Variants in REPS2 observed in about 807,000 individuals in gnomAD.
REPS2 encodes ralBP1-associated Eps domain-containing protein 2.
REPS2 carries 23 observed loss-of-function variants against 53.6 expected under a neutral mutation model. That is an observed-to-expected ratio of 0.43 (90% CI 0.31 to 0.61). The LOEUF (loss-of-function observed/expected upper bound fraction) is 0.61, where lower values mean the gene tolerates loss of function less well. Among genes scored for constraint, REPS2 ranks in the 20% least tolerant of loss-of-function variants. REPS2 has a pLI of 0.11. For missense variants in REPS2, 446 were observed against 534.9 expected, an observed-to-expected ratio of 0.83 and a Z score of 1.64; for synonymous variants, 238 against 218.6, an observed-to-expected ratio of 1.09 and a Z score of -0.78.
intron 14 of REPS2, among the ~76,000 whole-genome samples, chrX:17,107,079 G>T (rs1271980337): frequency 8.9e-6 from 1 of 112,290 alleles, no homozygotes; most frequent in African/African-American, 3.2e-5. Context: ...CTATTTTAAA[G>T]TGAAATCAGG....
At chrX:17,155,511 C>T (rs922646456), downstream of REPS2, among the ~76,000 whole-genome samples, 2 of 111,350 alleles carry the variant, frequency 1.8e-5, no homozygotes, top group East Asian at 2.8e-4. Context: ...CAGAGAAGGA[C>T]GCAAAGGTAG....
At chrX:16,996,400 A>T (rs1479512583) in intron 1 of REPS2, among the ~76,000 whole-genome samples, 1 of 111,710 alleles carries the variant, frequency 9.0e-6, no homozygotes, top group Non-Finnish European at 1.9e-5. Context: ...GCTGGTTGTC[A>T]TGAGATCTTG....
chrX:17,183,215 T>G, the REPS2 span, among the ~76,000 whole-genome samples: 202 of 112,179 alleles, frequency 1.8e-3, no homozygotes, highest in East Asian at 0.016. Context: ...CCAAATACTC[T>G]ATTCCACACA....
chrX:17,193,815 C>T, the REPS2 span, among the ~76,000 whole-genome samples: 1 of 111,528 alleles, frequency 9.0e-6, no homozygotes, highest in Non-Finnish European at 1.9e-5. Context: ...GAAACCAAAA[C>T]TCACTGTCAC....
At chrX:17,034,171 C>T (rs1253066962) in intron 5 of REPS2, among the ~76,000 whole-genome samples, 1 of 111,861 alleles carries the variant, frequency 8.9e-6, no homozygotes, top group Non-Finnish European at 1.9e-5. Flanking sequence ...TATTGGTTTC[C>T]CATCTCAGAG....
chrX:17,103,596 A>C (rs2062835284), intron 13 of REPS2, 122 bp from the exon 14 acceptor site: 1 of 582,555 alleles, frequency 1.7e-6, no homozygotes, highest in South Asian at 2.6e-5. Context: ...CTTCAGAAGG[A>C]CTGTAAAAAC....
chrX:17,023,623 T>C (rs2061602608), intron 3 of REPS2, among the ~76,000 whole-genome samples: 1 of 111,613 alleles, frequency 9.0e-6, no homozygotes, highest in African/African-American at 3.3e-5. Context: ...ACTGTCACTT[T>C]CATAATTCTG....
chrX:17,194,219 G>A, the REPS2 span, among the ~76,000 whole-genome samples: 1 of 111,600 alleles, frequency 9.0e-6, no homozygotes, highest in Admixed American at 9.6e-5. Context: ...CATCTTACAA[G>A]GATTTTTTCG....
intron 5 of REPS2, among the ~76,000 whole-genome samples, chrX:17,045,625 A>G (rs370855426): frequency 3.1e-4 from 34 of 108,639 alleles, no homozygotes; most frequent in African/African-American, 1.0e-3. Flanking sequence ...ACAAATGATT[A>G]ACAACCCTAC....
At chrX:17,012,103 G>A (rs939861790) in intron 2 of REPS2, among the ~76,000 whole-genome samples, 6 of 110,755 alleles carry the variant, frequency 5.4e-5, no homozygotes, top group Admixed American at 3.9e-4. Flanking sequence ...ATGTTGGCCC[G>A]GCATGGTGGC....
At chrX:16,949,808 C>G (rs1244446696) in intron 1 of REPS2, among the ~76,000 whole-genome samples, 5 of 111,136 alleles carry the variant, frequency 4.5e-5, no homozygotes, top group Non-Finnish European at 9.4e-5. Context: ...CCGACACACC[C>G]GTAGCTTTCC....
intron 9 of REPS2, among the ~76,000 whole-genome samples, chrX:17,067,251 C>T: frequency 8.9e-6 from 1 of 111,838 alleles, no homozygotes; most frequent in South Asian, 3.7e-4. Flanking sequence ...TATTCTTGAA[C>T]TTAATCTTAT....
chrX:17,100,274 T>C, intron 13 of REPS2: 1 of 562,027 alleles, frequency 1.8e-6, no homozygotes, highest in Non-Finnish European at 3.2e-6. Flanking sequence ...TTCCTCCTCT[T>C]CTAGCACCTC....
chrX:17,108,793 A>G (rs981382015), intron 14 of REPS2, among the ~76,000 whole-genome samples: 8 of 111,450 alleles, frequency 7.2e-5, no homozygotes, highest in African/African-American at 2.6e-4. Flanking sequence ...TACTAAAAAT[A>G]GCACTGGAAG....
intron 1 of REPS2, among the ~76,000 whole-genome samples, chrX:16,992,842 G>A (rs1363636979): frequency 8.9e-6 from 1 of 112,343 alleles, no homozygotes; most frequent in Non-Finnish European, 1.9e-5. Flanking sequence ...TTCCCTTCCA[G>A]TTATATTAGG....
chrX:17,019,448 T>A (rs1282683937), intron 2 of REPS2, among the ~76,000 whole-genome samples: 3 of 111,897 alleles, frequency 2.7e-5, no homozygotes, highest in African/African-American at 9.8e-5. Flanking sequence ...ACCTTCTTCT[T>A]GACAGACATC....
At chrX:17,157,659 G>C (rs1290613252), downstream of REPS2, among the ~76,000 whole-genome samples, 4 of 111,770 alleles carry the variant, frequency 3.6e-5, no homozygotes, top group Admixed American at 2.9e-4. Context: ...GAATGATCTG[G>C]CCCAAAATGT....
At chrX:16,954,872 G>A (rs376228513) in intron 1 of REPS2, among the ~76,000 whole-genome samples, 2 of 98,290 alleles carry the variant, frequency 2.0e-5, no homozygotes, top group African/African-American at 3.8e-5. Context: ...GTGCAGTGGC[G>A]CAAGGTCGGC....
At chrX:17,095,967 G>A (rs2062691448) in intron 13 of REPS2, among the ~76,000 whole-genome samples, 2 of 111,904 alleles carry the variant, frequency 1.8e-5, no homozygotes, top group South Asian at 7.4e-4. Context: ...TTAAACAAGA[G>A]CATTTAAACA....
Sources: gnomAD v4.1 joint callset for allele counts (sites outside exome capture counted in the v4.1 genomes callset) on GRCh38, gnomAD v4.1.1 for gene constraint, MANE v1.5 for transcripts, NCBI Gene and HGNC (gene_info 2026-07-23, HGNC 2026-07-21) for gene names.